The following THADA variants were observed in gnomAD, a reference collection of about 807,000 sequenced individuals.
THADA encodes tRNA (32-2'-O)-methyltransferase regulator THADA.
In THADA, 213 loss-of-function variants were observed where a neutral mutation model predicts 219.8. That is an observed-to-expected ratio of 0.97 (90% CI 0.87 to 1.09). The LOEUF is 1.09. Ranked by LOEUF, THADA falls within the 50% of genes least tolerant of loss-of-function variation. The pLI, the probability that THADA is intolerant of heterozygous loss-of-function variation, is 0.00. For missense variants in THADA, 2,956 were observed against 2,311.3 expected, an observed-to-expected ratio of 1.28 and a Z score of -5.72; for synonymous variants, 1,018 against 828.9, an observed-to-expected ratio of 1.23 and a Z score of -3.92.
Position 43,580,987 on chromosome 2 carries a change from G to A in THADA, c.721+754C>T, listed in dbSNP as rs112355160. Among the ~76,000 whole-genome samples, 836 of 152,090 alleles carry A rather than the reference G, an allele frequency of 5.5e-3. 2 individuals carry two copies. The highest frequency in any genetic ancestry group is 0.017 in the African/African-American group (716 of 41,464). On this transcript the variant is annotated intron_variant, in intron 8 of 37. Coordinates refer to ENST00000405975, the MANE Select transcript of THADA (RefSeq NM_022065.5). The stretch of plus-strand genomic sequence containing the variant: ...GTTTTTCACTAACAAGAGCTCTAAA[G>A]AGATCCCATTAGCATGTTTTTAATT...
chr2:43,292,332 G>A, intron 32 of THADA, 110 bp from the exon 33 acceptor site: 2 of 679,434 alleles, frequency 2.9e-6, no homozygotes, highest in Non-Finnish European at 2.4e-6. Flanking sequence ...CTTTCAAAAG[G>A]CTCCCACTGA....
At chr2:43,506,716 T>A (rs1269694218) in intron 23 of THADA, among the ~76,000 whole-genome samples, 1 of 152,182 alleles carries the variant, frequency 6.6e-6, no homozygotes, top group Non-Finnish European at 1.5e-5. Flanking sequence ...GGTGACTATA[T>A]AGTATGTGAA....
chr2:43,365,420 A>T (rs1034827211), intron 29 of THADA, among the ~76,000 whole-genome samples: 2 of 151,906 alleles, frequency 1.3e-5, no homozygotes, highest in African/African-American at 2.4e-5. Flanking sequence ...AAAATACAAA[A>T]ATTAGCTGGG....
At chr2:43,369,965 T>C (rs1304837758) in intron 29 of THADA, among the ~76,000 whole-genome samples, 1 of 152,252 alleles carries the variant, frequency 6.6e-6, no homozygotes, top group Non-Finnish European at 1.5e-5. Flanking sequence ...CCAACCATGC[T>C]GTAAGATCCC....
intron 22 of THADA, among the ~76,000 whole-genome samples, chr2:43,524,641 C>T (rs1306818093): frequency 2.0e-5 from 3 of 152,096 alleles, no homozygotes; most frequent in Non-Finnish European, 4.4e-5. Context: ...AAAAGGAAGC[C>T]ACACACACTG....
intron 26 of THADA, among the ~76,000 whole-genome samples, chr2:43,483,103 A>G (rs1045031647): frequency 3.3e-5 from 5 of 152,182 alleles, no homozygotes; most frequent in Middle Eastern, 3.2e-3. Flanking sequence ...AAGAACACAC[A>G]TTTCCAAATT....
chr2:43,424,332 C>G (rs944536491), intron 28 of THADA, among the ~76,000 whole-genome samples: 4 of 152,172 alleles, frequency 2.6e-5, no homozygotes, highest in African/African-American at 4.8e-5. Flanking sequence ...GTCAGAGCAA[C>G]CTTTGCACTA....
intron 24 of THADA, among the ~76,000 whole-genome samples, chr2:43,502,852 A>T (rs966785766): frequency 6.6e-6 from 1 of 152,100 alleles, no homozygotes; most frequent in African/African-American, 2.4e-5. Flanking sequence ...TTTTGAAACA[A>T]CAATAAAAAT....
At chr2:43,462,375 C>T (rs1244555556) in intron 26 of THADA, among the ~76,000 whole-genome samples, 2 of 152,082 alleles carry the variant, frequency 1.3e-5, no homozygotes, top group East Asian at 3.9e-4. Context: ...GTAAGGTGAA[C>T]TTCTAGTGCC....
chr2:43,498,150 G>GA (rs1688501398), intron 25 of THADA, among the ~76,000 whole-genome samples: 1 of 151,986 alleles, frequency 6.6e-6, no homozygotes, highest in Non-Finnish European at 1.5e-5. Flanking sequence ...AATATTGTAC[G>GA]ATTCCATTTA....
chr2:43,342,734 C>A (rs1465137782), intron 30 of THADA, among the ~76,000 whole-genome samples: 3 of 152,208 alleles, frequency 2.0e-5, no homozygotes, highest in Non-Finnish European at 4.4e-5. Context: ...ACACGTCTTT[C>A]TCACTTCCTG....
At chr2:43,427,031 A>G (rs1053186854) in intron 28 of THADA, among the ~76,000 whole-genome samples, 2 of 152,240 alleles carry the variant, frequency 1.3e-5, no homozygotes, top group Non-Finnish European at 2.9e-5. Context: ...AAGTGGTAAT[A>G]GGCTCTAAAA....
intron 31 of THADA, among the ~76,000 whole-genome samples, chr2:43,317,542 T>G (rs1678223669): frequency 6.6e-6 from 1 of 152,240 alleles, no homozygotes; most frequent in South Asian, 2.1e-4. Flanking sequence ...TATATTTATC[T>G]ATTGCTCAAC....
chr2:43,344,026 C>G, intron 30 of THADA, 96 bp downstream of exon 30: 1 of 847,588 alleles, frequency 1.2e-6, no homozygotes, highest in Non-Finnish European at 1.9e-6. Context: ...AAACTCATGC[C>G]AATGACTTTT....
intron 31 of THADA, among the ~76,000 whole-genome samples, chr2:43,316,474 T>C (rs1678095494): frequency 1.3e-5 from 2 of 152,332 alleles, no homozygotes; most frequent in South Asian, 4.1e-4. Context: ...CTCCTGACAT[T>C]CTAAGCCAGG....
intron 29 of THADA, among the ~76,000 whole-genome samples, chr2:43,381,404 G>A (rs914102114): frequency 6.6e-6 from 1 of 152,094 alleles, no homozygotes; most frequent in South Asian, 2.1e-4. Context: ...CCCAGCCTCA[G>A]GAGGTGAAGC....
At chr2:43,366,027 C>T (rs1222157162) in intron 29 of THADA, among the ~76,000 whole-genome samples, 1 of 152,070 alleles carries the variant, frequency 6.6e-6, no homozygotes, top group East Asian at 1.9e-4. Flanking sequence ...TAAAAAATGA[C>T]CCTTGAATTA....
chr2:43,235,401 C>G (rs560101072), intron 36 of THADA, among the ~76,000 whole-genome samples: 1 of 152,144 alleles, frequency 6.6e-6, no homozygotes, highest in African/African-American at 2.4e-5. Context: ...TTAAGAGATT[C>G]TCCTGCCTCA....
intron 19 of THADA, among the ~76,000 whole-genome samples, chr2:43,550,606 G>A (rs1370707449): frequency 6.6e-6 from 1 of 152,172 alleles, no homozygotes; most frequent in Non-Finnish European, 1.5e-5. Context: ...TGAAGGAAAA[G>A]TCTGTGGGGC....
Sources: allele counts gnomAD v4.1 joint callset (sites outside exome capture counted in the v4.1 genomes callset), GRCh38; gene constraint gnomAD v4.1.1; transcripts MANE v1.5; gene names NCBI Gene and HGNC (gene_info 2026-07-23, HGNC 2026-07-21).